GRIK4: variants seen among roughly 807,000 people sequenced by gnomAD.
GRIK4 encodes glutamate receptor ionotropic, kainate 4.
GRIK4 carries 40 observed loss-of-function variants against 104.9 expected under a neutral mutation model. The observed-to-expected ratio is 0.38, with a 90% CI of 0.30 to 0.50. GRIK4 has a LOEUF of 0.50. Among genes scored for constraint, GRIK4 ranks in the 20% least tolerant of loss-of-function variants. The pLI is 0.93. For missense variants in GRIK4, 1,047 were observed against 1,308.1 expected, an observed-to-expected ratio of 0.80 and a Z score of 3.08; for synonymous variants, 485 against 524.9, an observed-to-expected ratio of 0.92 and a Z score of 1.04.
chr11:120,738,213 C>G (rs910261209), intron 3 of GRIK4, among the ~76,000 whole-genome samples: 1 of 152,190 alleles, frequency 6.6e-6, no homozygotes, highest in Non-Finnish European at 1.5e-5. Context: ...CTTAACTGCT[C>G]AATGCTGCTT....
chr11:120,748,269 C>T (rs1370403791), intron 3 of GRIK4, among the ~76,000 whole-genome samples: 1 of 152,110 alleles, frequency 6.6e-6, no homozygotes, highest in Non-Finnish European at 1.5e-5. Flanking sequence ...CTCCCTTCCA[C>T]CTCCCATCTC....
Position 120,934,510 on chromosome 11 carries a change from C to CGCCAAGCCTTCAG in GRIK4, c.1477-5834_1477-5822dup, listed in dbSNP as rs1197301361. Among the ~76,000 whole-genome samples the CGCCAAGCCTTCAG allele has an allele frequency of 1.5e-4, 23 of 152,244 alleles. No homozygotes were observed. In the South Asian group the frequency reaches 2.5e-3, roughly 17 times the overall value. On this transcript the variant is annotated intron_variant, in intron 13 of 20. Coordinates refer to ENST00000527524, the MANE Select transcript of GRIK4 (RefSeq NM_014619.5). The stretch of plus-strand genomic sequence containing the variant: ...TGTCCCAGGAGAAGAGCAGTGGCCA[C>CGCCAAGCCTTCAG]GCCAAGCCTTCAGGCTTTGACAGAA...
At chr11:120,736,806 C>T (rs1310487900) in intron 3 of GRIK4, among the ~76,000 whole-genome samples, 4 of 150,624 alleles carry the variant, frequency 2.7e-5, no homozygotes, top group Non-Finnish European at 5.9e-5. Context: ...CACCTCTGTT[C>T]ACTGAAAAAG....
At chr11:120,974,276 C>A (rs890527909) in intron 19 of GRIK4, among the ~76,000 whole-genome samples, 4 of 152,162 alleles carry the variant, frequency 2.6e-5, no homozygotes, top group African/African-American at 9.7e-5. Context: ...TCAGACTGAA[C>A]AGAGGGCAGT....
intron 13 of GRIK4, among the ~76,000 whole-genome samples, chr11:120,930,934 G>T (rs982615985): frequency 3.9e-5 from 6 of 152,160 alleles, no homozygotes; most frequent in African/African-American, 1.4e-4. Context: ...TAATTTCTTA[G>T]GGAGGACAGG....
rs866138982 is a variant in GRIK4 at position 120,569,538 on chromosome 11, C to T, written c.-159+57651C>T. 3.3e-5 allele frequency among the ~76,000 whole-genome samples: 5 copies of T among 152,176 alleles called. No individual in the cohort carries two copies. In the South Asian group the frequency reaches 1.0e-3, roughly 32 times the overall value. ...AGAAGCTCCCCTTCTCTCATGCCCC[C>T]ATTTCTATATATGGGTATTCCCTTG... On this transcript the variant is annotated intron_variant, in intron 1 of 20. Coordinates refer to ENST00000527524, the MANE Select transcript of GRIK4 (RefSeq NM_014619.5).
chr11:120,539,673 G>A (rs529484623), intron 1 of GRIK4, among the ~76,000 whole-genome samples: 46 of 152,162 alleles, frequency 3.0e-4, no homozygotes, highest in Non-Finnish European at 5.6e-4. Flanking sequence ...CTTTAAACTG[G>A]TTAAATATTT....
intron 3 of GRIK4, among the ~76,000 whole-genome samples, chr11:120,792,744 G>A (rs1325439225): frequency 6.6e-6 from 1 of 152,174 alleles, no homozygotes; most frequent in Non-Finnish European, 1.5e-5. Flanking sequence ...AAGAATCTAG[G>A]AGGGAAGAGG....
chr11:120,676,976 T>C (rs1186221073), intron 3 of GRIK4, among the ~76,000 whole-genome samples: 1 of 152,230 alleles, frequency 6.6e-6, no homozygotes, highest in Non-Finnish European at 1.5e-5. Context: ...AAACTGTCCA[T>C]AGCTCGATCC....
intron 8 of GRIK4, among the ~76,000 whole-genome samples, chr11:120,845,648 TCTA>T (rs962490681): frequency 1.4e-5 from 2 of 145,950 alleles, no homozygotes; most frequent in Admixed American, 1.3e-4. Flanking sequence ...TATGCACACT[TCTA>T]CACACACACA....
intron 19 of GRIK4, among the ~76,000 whole-genome samples, chr11:120,978,569 T>A (rs1944600334): frequency 6.6e-6 from 1 of 152,180 alleles, no homozygotes; most frequent in Admixed American, 6.5e-5. Flanking sequence ...AACTGTGTAG[T>A]GTGCAGAGTT....
chr11:120,609,482 C>A (rs11601552), intron 1 of GRIK4, among the ~76,000 whole-genome samples: 53,175 of 136,246 alleles, frequency 0.39, 10,697 homozygotes, highest in Admixed American at 0.48. Flanking sequence ...GTTTTTCCCT[C>A]TCTGCTTTCC....
chr11:120,579,579 T>C (rs1274397458), intron 1 of GRIK4, among the ~76,000 whole-genome samples: 2 of 152,164 alleles, frequency 1.3e-5, no homozygotes, highest in Non-Finnish European at 2.9e-5. Flanking sequence ...GTATGATTTA[T>C]ATTTGAAAAA....
intron 1 of GRIK4, among the ~76,000 whole-genome samples, chr11:120,649,224 A>AG (rs1417118598): frequency 6.6e-6 from 1 of 152,000 alleles, no homozygotes; most frequent in Admixed American, 6.5e-5. Flanking sequence ...GGGAGGGCTG[A>AG]GGGGGGCTGA....
chr11:120,691,341 A>G (rs1176859190), intron 3 of GRIK4, among the ~76,000 whole-genome samples: 4 of 152,140 alleles, frequency 2.6e-5, no homozygotes, highest in African/African-American at 7.2e-5. Flanking sequence ...GAGGGAACCA[A>G]TAGACACCAG....
intron 3 of GRIK4, among the ~76,000 whole-genome samples, chr11:120,674,176 C>A (rs1394849858): frequency 2.0e-5 from 3 of 152,208 alleles, no homozygotes; most frequent in African/African-American, 7.2e-5. Context: ...TGGTCACCCT[C>A]CTCTAAATCA....
intron 1 of GRIK4, among the ~76,000 whole-genome samples, chr11:120,588,286 G>C (rs1323530579): frequency 6.6e-6 from 1 of 152,156 alleles, no homozygotes; most frequent in East Asian, 1.9e-4. Context: ...GGAGTATGGT[G>C]TTCTTGAAGT....
In GRIK4 at chr11:120,988,747, T is replaced by C. The variant is rs1185265294; in HGVS notation, c.*2487T>C. 6.6e-6 allele frequency: 1 copy of C among 152,248 alleles called. No homozygotes were observed. The highest frequency in any genetic ancestry group is 1.5e-5 in the Non-Finnish European group (1 of 68,054). The allele number at this position is 152,248 out of a possible 1,614,324, so 9.4% of individuals were successfully genotyped here. On this transcript the variant is annotated 3_prime_UTR_variant, in exon 21 of 21. Transcript: ENST00000527524. ...TATACTGTATAAAGCAGTTTTTTCT[T>C]GTCTGTTTATCTTTCTTCAACTGGA...
chr11:120,879,777 G>A (rs1954913822), intron 11 of GRIK4, among the ~76,000 whole-genome samples: 1 of 152,160 alleles, frequency 6.6e-6, no homozygotes, highest in African/African-American at 2.4e-5. Context: ...TTGCACATGC[G>A]AGATCTCTGC....
Sources: allele counts gnomAD v4.1 joint callset (sites outside exome capture counted in the v4.1 genomes callset), GRCh38; gene constraint gnomAD v4.1.1; transcripts MANE v1.5; gene names NCBI Gene and HGNC (gene_info 2026-07-23, HGNC 2026-07-21).